The following ARRDC2 variants were observed in gnomAD, a reference collection of about 807,000 sequenced individuals.
ARRDC2 encodes arrestin domain-containing protein 2.
ARRDC2 carries 39 observed loss-of-function variants against 38.9 expected under a neutral mutation model. That is an observed-to-expected ratio of 1.00 (90% CI 0.78 to 1.31). ARRDC2 has a LOEUF of 1.31. Among genes scored for constraint, ARRDC2 ranks in the 50% most tolerant of loss-of-function variants. The pLI is 0.00. For synonymous variants in ARRDC2, 300 were observed against 261.9 expected, an observed-to-expected ratio of 1.15 and a Z score of -1.41; for missense variants, 553 against 588.4, an observed-to-expected ratio of 0.94 and a Z score of 0.62.
At chr19:18,006,863 C>T (rs1320172776), upstream of ARRDC2, among the ~76,000 whole-genome samples, 1 of 152,176 alleles carries the variant, frequency 6.6e-6, no homozygotes, top group Admixed American at 6.6e-5. Flanking sequence ...GACTTAACGG[C>T]CTACTGTCTC....
chr19:18,001,650 T>C (rs746905627), intron 1 of ARRDC2: 25 of 1,254,728 alleles, frequency 2.0e-5, no homozygotes, highest in Non-Finnish European at 2.3e-5. Context: ...CGGAAGCCTC[T>C]CAACTTAGAA....
At chr19:18,002,918 C>A (rs1419975493) in intron 1 of ARRDC2, among the ~76,000 whole-genome samples, 4 of 152,076 alleles carry the variant, frequency 2.6e-5, no homozygotes, top group African/African-American at 9.7e-5. Context: ...GCCTGGCCAA[C>A]ATGGTGAAAC....
At chr19:18,012,723 G>C (rs1332445440) in intron 7 of ARRDC2, among the ~76,000 whole-genome samples, 190 bp from the exon 8 acceptor site, 1 of 152,148 alleles carries the variant, frequency 6.6e-6, no homozygotes, top group Non-Finnish European at 1.5e-5. Context: ...CCAATCCCCT[G>C]TGGATACCAA....
chr19:18,001,484 T>C, exon 1 of ARRDC2: 1 of 1,324,770 alleles, frequency 7.5e-7, no homozygotes, highest in Non-Finnish European at 9.7e-7. Flanking sequence ...ACCCACTGGT[T>C]GGAGGGTCGC....
At chr19:18,003,490 T>C (rs2033217684), upstream of ARRDC2, among the ~76,000 whole-genome samples, 1 of 151,968 alleles carries the variant, frequency 6.6e-6, no homozygotes, top group South Asian at 2.1e-4. Context: ...AGTCTCACTC[T>C]GTCACCCAGG....
rs560844846 is a variant in ARRDC2, at chr19:18,010,434, C to A, written c.1012+76C>A. 2.6e-5 allele frequency: 40 copies of A among 1,564,590 alleles called. No individual in the cohort carries two copies. In the South Asian group the frequency reaches 3.7e-4, roughly 14 times the overall value. On this transcript the variant is annotated intron_variant, in intron 6 of 7. Transcript: ENST00000222250. ...GTGGATGCCGGGTCAACTCTCTCAC[C>A]ACGAGTCCCCCGGAATCCCAACCAA...
At chr19:18,009,222 C>G in intron 3 of ARRDC2, 104 bp downstream of exon 3, 1 of 1,387,324 alleles carries the variant, frequency 7.2e-7, no homozygotes, top group Non-Finnish European at 9.8e-7. Flanking sequence ...TAGGTGGGCC[C>G]TGGCAGGGAG....
At position 18,009,910 on chromosome 19, in the gene ARRDC2, G is replaced by A. The variant is rs777128949; in HGVS notation, c.720G>A (p.Val240=). The change falls in exon 5 of 8, where the codon GTG becomes GTA. Residue 240 remains valine (V), a synonymous_variant. Coordinates refer to ENST00000222250, the MANE Select transcript of ARRDC2 (RefSeq NM_015683.2). ...CCCGAAAGCAGAAACGGGCAGTGGTGGCCAGCCTCGCGGGCGAGCCGGTGG... is the reference window on the plus strand; with the variant it reads ...CCCGAAAGCAGAAACGGGCAGTGGTAGCCAGCCTCGCGGGCGAGCCGGTGG... ...RGARKQKRAV[V]ASLAGEPVGP... 8.1e-6 allele frequency: 13 copies of A among 1,607,672 alleles called. No individual in the cohort carries two copies. In the South Asian group the frequency reaches 1.3e-4, roughly 16 times the overall value.
upstream of ARRDC2, among the ~76,000 whole-genome samples, chr19:18,006,972 C>T (rs1214090838): frequency 6.6e-6 from 1 of 152,214 alleles, no homozygotes; most frequent in Non-Finnish European, 1.5e-5. Flanking sequence ...GATCACTGTG[C>T]CTCCAACTCC....
At chr19:18,011,944 A>ATTTTTT in intron 7 of ARRDC2, among the ~76,000 whole-genome samples, 1 of 52,742 alleles carries the variant, frequency 1.9e-5, no homozygotes, top group African/African-American at 7.4e-5. Context: ...GTATATATAT[A>ATTTTTT]TATATATATT....
At chr19:18,010,416 C>T in intron 6 of ARRDC2, 58 bp downstream of exon 6, 2 of 1,575,394 alleles carry the variant, frequency 1.3e-6, no homozygotes, top group Admixed American at 1.7e-5. Context: ...GAGGTGGATG[C>T]CGGGTCAACT....
upstream of ARRDC2, among the ~76,000 whole-genome samples, chr19:18,006,947 G>A (rs2033291871): frequency 6.6e-6 from 1 of 152,180 alleles, no homozygotes; most frequent in African/African-American, 2.4e-5. Flanking sequence ...ATCCTCCCAG[G>A]CAGCCTTCCA....
chr19:18,001,552 C>T (rs113540008), exon 1 of ARRDC2: 95,858 of 1,372,588 alleles, frequency 0.07, 3,769 homozygotes, highest in Non-Finnish European at 0.079. Flanking sequence ...CTACCTGCGG[C>T]GTCGGCAGCT....
intron 1 of ARRDC2, chr19:18,001,708 C>A: frequency 9.3e-7 from 1 of 1,074,156 alleles, no homozygotes; most frequent in Non-Finnish European, 1.2e-6. Flanking sequence ...ACCCCCTTCC[C>A]GGGGTCCTGA....
chr19:18,010,143 G>T (rs2033382486), intron 5 of ARRDC2, 53 bp from the exon 6 acceptor site: 3 of 1,607,278 alleles, frequency 1.9e-6, no homozygotes, highest in Non-Finnish European at 2.6e-6. Flanking sequence ...TAGGAGGGAG[G>T]TGGGGGTTGG....
At chr19:18,006,618 G>A (rs919537350), upstream of ARRDC2, among the ~76,000 whole-genome samples, 1 of 151,388 alleles carries the variant, frequency 6.6e-6, no homozygotes, top group Non-Finnish European at 1.5e-5. Flanking sequence ...GGAAAGAGAG[G>A]GAGAGGGAGA....
At position 18,009,585 on chromosome 19, in the gene ARRDC2, C is replaced by A. The variant is rs374118334; in HGVS notation, c.490-7C>A. On this transcript the variant is annotated splice_region_variant and splice_polypyrimidine_tract_variant and intron_variant, in intron 3 of 7. Transcript: ENST00000222250. ...CTCATCCATGTCACTTTCCTCTACACCGACAGGCACCTCAAGCGGGGGCTC... is the reference window on the plus strand; with the variant it reads ...CTCATCCATGTCACTTTCCTCTACAACGACAGGCACCTCAAGCGGGGGCTC... 18 of 1,593,006 alleles carry A rather than the reference C, an allele frequency of 1.1e-5. No individual in the cohort carries two copies. In the African/African-American group the frequency reaches 2.3e-4, roughly 20 times the overall value.
exon 1 of ARRDC2, chr19:18,001,539 G>C: frequency 7.2e-7 from 1 of 1,387,766 alleles, no homozygotes. Context: ...CGGCCGCGGA[G>C]ACCTACCTGC....
Position 18,008,422 on chromosome 19 carries a change from C to G in ARRDC2, c.112C>G (p.Leu38Val), listed in dbSNP as rs752008104. Reference sequence around the variant, plus strand: ...CGTGGCGGGCCGGGTGCTGCTGGAGCTGTCAAGCGCCGCGCGTGTGGGTGC... The same window carrying G: ...CGTGGCGGGCCGGGTGCTGCTGGAGGTGTCAAGCGCCGCGCGTGTGGGTGC... ...QAVAGRVLLE[L>V]SSAARVGALR... The change falls in exon 1 of 8, where the codon CTG becomes GTG. Residue 38 changes from leucine to valine, a missense_variant. Physicochemically the swap from Leu to Val is conservative, Grantham distance 32. Around this residue, in one of 3 missense-constraint regions of ARRDC2, gnomAD observed 447 missense variants for 456.6 expected, o/e 0.98. Coordinates refer to ENST00000222250, the MANE Select transcript of ARRDC2 (RefSeq NM_015683.2). The G allele has an allele frequency of 1.1e-5, 18 of 1,591,534 alleles. No homozygotes were observed. The highest frequency in any genetic ancestry group is 1.3e-5 in the African/African-American group (1 of 74,534).
Sources: gnomAD v4.1 joint callset for allele counts (sites outside exome capture counted in the v4.1 genomes callset) on GRCh38, gnomAD v4.1.1 for gene constraint, gnomAD v4.1.1 regional missense constraint, MANE v1.5 for transcripts, NCBI Gene and HGNC (gene_info 2026-07-23, HGNC 2026-07-21) for gene names.